Variants in CTDP1 observed in about 807,000 individuals in gnomAD.
CTDP1 encodes CTD phosphatase 1.
Under a neutral mutation model 91.8 loss-of-function variants are expected in CTDP1, and 47 were observed. The observed-to-expected ratio is 0.51, with a 90% confidence interval of 0.41 to 0.65. CTDP1 has a LOEUF of 0.65. Among genes scored for constraint, CTDP1 ranks in the 30% least tolerant of loss-of-function variants. CTDP1 has a pLI of 0.00. For missense variants in CTDP1, 1,272 were observed against 1,373.7 expected, an observed-to-expected ratio of 0.93 and a Z score of 1.17; for synonymous variants, 656 against 598.5, an observed-to-expected ratio of 1.10 and a Z score of -1.40.
Position 79,719,160 on chromosome 18 carries a change from C to T in CTDP1, c.2417+1144C>T, listed in dbSNP as rs143066707. ...GGAGAGGCCGCTCCCTCTGGAAACG[C>T]GCTCTAGTTCCTCCCCGGTTTTCTG... On this transcript the variant is annotated intron_variant, in intron 10 of 12. Coordinates refer to ENST00000613122, the MANE Select transcript of CTDP1 (RefSeq NM_004715.5). Among the ~76,000 whole-genome samples, 26 of 152,360 alleles carry T rather than the reference C, an allele frequency of 1.7e-4. 1 individual carries two copies. In the Middle Eastern group the frequency reaches 0.017, roughly 100 times the overall value.
chr18:79,718,934 C>T (rs2086275708), intron 10 of CTDP1, among the ~76,000 whole-genome samples: 1 of 152,138 alleles, frequency 6.6e-6, no homozygotes, highest in Admixed American at 6.5e-5. Context: ...AGAGGTACGG[C>T]TTGATGTCCT....
chr18:79,737,462 G>A (rs2086691644), intron 12 of CTDP1, among the ~76,000 whole-genome samples: 3 of 152,074 alleles, frequency 2.0e-5, no homozygotes, highest in Admixed American at 1.3e-4. Context: ...ATTAGCTCAC[G>A]GTCCCATCGC....
chr18:79,715,280 A>C lies in CTDP1; in HGVS notation c.1820A>C (p.Lys607Thr). Residue 607 changes from lysine to threonine, a missense_variant, in exon 8 of 13, where the codon AAG becomes ACG. By Grantham distance (78) the Lys-to-Thr change is moderately conservative. Transcript: ENST00000613122. ...CGTGTACACACTGACTACTATGCCA[A>C]GTATGACCGCTACCTCAACAAGGAG... The part of the protein sequence containing the change: ...LVRVHTDYYA[K>T]YDRYLNKEIE... 6.2e-7 allele frequency: 1 copy of C among 1,610,600 alleles called. No homozygotes were observed.
rs920504657 is a variant in CTDP1 at position 79,698,176 on chromosome 18, G to A, written c.621+188G>A. Reference sequence around the variant, plus strand: ...CTGTTGGGGAGCATCCGCGGCTCCCGGGCAGACATCCCGACGCCCACTGTG... The same window carrying A: ...CTGTTGGGGAGCATCCGCGGCTCCCAGGCAGACATCCCGACGCCCACTGTG... On this transcript the variant is annotated intron_variant, in intron 4 of 12. Coordinates refer to ENST00000613122, the MANE Select transcript of CTDP1 (RefSeq NM_004715.5). 5.4e-4 allele frequency among the ~76,000 whole-genome samples: 82 copies of A among 152,242 alleles called. 1 individual carries two copies. Among genetic ancestry groups the A allele is most frequent in the Admixed American group, 8.5e-4 (13 of 15,286 alleles).
upstream of CTDP1, chr18:79,677,358 A>G (rs557632214): frequency 5.9e-5 from 9 of 152,432 alleles, no homozygotes; most frequent in African/African-American, 2.2e-4. Context: ...GAATAGGCTC[A>G]GAGAGACTCC....
At chr18:79,723,965 G>A (rs952325812) in intron 10 of CTDP1, among the ~76,000 whole-genome samples, 1 of 152,238 alleles carries the variant, frequency 6.6e-6, no homozygotes, top group African/African-American at 2.4e-5. Flanking sequence ...CATGGTGTGT[G>A]GTGGAGCCAA....
In CTDP1 at chr18:79,723,398, T is replaced by TG. The variant is rs2086384517; in HGVS notation, c.2417+5383dup. ...TCCTCATTCTGTTCTCGGAACCCCGTGCAGACCCCATTGTGACAGGACGCT... is the reference window on the plus strand; with the variant it reads ...TCCTCATTCTGTTCTCGGAACCCCGTGGCAGACCCCATTGTGACAGGACGCT... On this transcript the variant is annotated intron_variant, in intron 10 of 12. Transcript: ENST00000613122. 2.0e-5 allele frequency among the ~76,000 whole-genome samples: 3 copies of TG among 152,310 alleles called. No individual in the cohort carries two copies. In the South Asian group the frequency reaches 6.2e-4, roughly 32 times the overall value.
rs1427055491 is a variant in CTDP1 at position 79,679,920 on chromosome 18, C to T, written c.-28C>T. 4.3e-6 allele frequency: 6 copies of T among 1,383,914 alleles called. No individual in the cohort carries two copies. In the Admixed American group the frequency reaches 1.8e-4, roughly 40 times the overall value. The allele number at this position is 1,383,914 out of a possible 1,614,324, so 85.7% of individuals were successfully genotyped here. A position where few individuals can be genotyped will look rare whatever the true frequency, so the allele number is the denominator to read the frequency against. On this transcript the variant is annotated 5_prime_UTR_variant, in exon 1 of 13. Transcript: ENST00000613122. ...CTCTGAGCGCAGCGCAGGCCCCGTA[C>T]CGACCGCCCGCCCGCCCTCTGTCCG...
intron 10 of CTDP1, among the ~76,000 whole-genome samples, chr18:79,721,371 C>T (rs1273479152): frequency 6.6e-6 from 1 of 152,084 alleles, no homozygotes; most frequent in Non-Finnish European, 1.5e-5. Context: ...AGTCAGTGAA[C>T]GGGCCAGCAC....
At chr18:79,686,958 C>G (rs1484418197) in intron 1 of CTDP1, among the ~76,000 whole-genome samples, 3 of 141,996 alleles carry the variant, frequency 2.1e-5, no homozygotes, top group Non-Finnish European at 3.1e-5. Flanking sequence ...GCCTGCACCG[C>G]AGCAGTTGGC....
chr18:79,682,395 T>C (rs897688144), intron 1 of CTDP1, among the ~76,000 whole-genome samples: 4 of 152,204 alleles, frequency 2.6e-5, no homozygotes, highest in Admixed American at 2.0e-4. Flanking sequence ...TGTGGACTTG[T>C]GGTGGCTTTG....
chr18:79,717,660 C>G lies in CTDP1; in HGVS notation c.2194C>G (p.His732Asp), dbSNP rs780391553. 1 of 1,614,016 alleles carries G rather than the reference C, an allele frequency of 6.2e-7. No homozygotes were observed. Among genetic ancestry groups the G allele is most frequent in the Non-Finnish European group, 8.5e-7 (1 of 1,179,976 alleles). Residue 732 changes from histidine (H) to aspartate (D), a missense_variant, in exon 9 of 13, where the codon CAC becomes GAC. His to Asp is a moderately conservative substitution (Grantham distance 81, BLOSUM62 -1). Around this residue, in one of 3 missense-constraint regions of CTDP1, gnomAD observed 881 missense variants for 911.6 expected, o/e 0.97. Coordinates refer to ENST00000613122, the MANE Select transcript of CTDP1 (RefSeq NM_004715.5). The stretch of plus-strand genomic sequence containing the variant: ...GCAGCTCTTCCCGCTCAGGGACGAT[C>G]ACACCAAGGCACAGAGGTGGGTCCT... Reference protein sequence around the residue: ...EEQLFPLRDDHTKAQRENSPA... With the variant: ...EEQLFPLRDDDTKAQRENSPA...
upstream of CTDP1, chr18:79,678,303 CACAA>C (rs2085279737): frequency 6.6e-6 from 1 of 152,240 alleles, no homozygotes; most frequent in South Asian, 2.1e-4. Context: ...GCAACAGCGC[CACAA>C]ACAGCTATAA....
chr18:79,753,559 A>T, intron 12 of CTDP1, 93 bp from the exon 13 acceptor site: 1 of 1,598,588 alleles, frequency 6.3e-7, no homozygotes, highest in Non-Finnish European at 8.6e-7. Context: ...TTGTGTTAAA[A>T]CCACGGAAGC....
At chr18:79,683,854 T>A (rs761916804) in intron 1 of CTDP1, among the ~76,000 whole-genome samples, 1 of 152,234 alleles carries the variant, frequency 6.6e-6, no homozygotes, top group Non-Finnish European at 1.5e-5. Flanking sequence ...CTCTTGAGGC[T>A]TGGTCGCTGT....
At chr18:79,695,642 T>G (rs2122490650) in intron 2 of CTDP1, among the ~76,000 whole-genome samples, 1 of 152,332 alleles carries the variant, frequency 6.6e-6, no homozygotes, top group African/African-American at 2.4e-5. Context: ...TGCTGGGGGC[T>G]GCTTTACCTC....
intron 10 of CTDP1, among the ~76,000 whole-genome samples, chr18:79,720,299 CTATTG>C (rs796179952): frequency 8.8e-4 from 9 of 10,214 alleles, no homozygotes; most frequent in South Asian, 3.5e-3. Context: ...ATGTCACCTC[CTATTG>C]TGTCCTGGTG....
intron 12 of CTDP1, among the ~76,000 whole-genome samples, chr18:79,736,814 GGGT>G (rs1201433472): frequency 1.2e-4 from 18 of 151,692 alleles, no homozygotes; most frequent in African/African-American, 4.4e-4. Context: ...CGTGTGGTGG[GGGT>G]ATGCACGTGT....
chr18:79,686,531 T>C (rs1048134341), intron 1 of CTDP1, among the ~76,000 whole-genome samples: 4 of 152,266 alleles, frequency 2.6e-5, no homozygotes, highest in Non-Finnish European at 5.9e-5. Flanking sequence ...TTTTTAAATA[T>C]ACATCTAGCA....
Sources: allele counts gnomAD v4.1 joint callset (sites outside exome capture counted in the v4.1 genomes callset), GRCh38; gene constraint gnomAD v4.1.1; regional missense constraint gnomAD v4.1.1; transcripts MANE v1.5; gene names NCBI Gene and HGNC (gene_info 2026-07-23, HGNC 2026-07-21).